LIN7C: variants seen among roughly 807,000 people sequenced by gnomAD.
LIN7C encodes the protein lin-7 cell polarity scaffold C, also known as protein lin-7 homolog C.
LIN7C carries 17 observed loss-of-function variants against 24.7 expected under a neutral mutation model. That is an observed-to-expected ratio of 0.69 (90% confidence interval 0.47 to 1.03). The LOEUF is 1.03. Among genes scored for constraint, LIN7C ranks in the 50% least tolerant of loss-of-function variants. LIN7C has a pLI of 0.00. For synonymous variants in LIN7C, 90 were observed against 83.4 expected (o/e 1.08, Z -0.43); for missense variants, 204 against 239.0 (o/e 0.85, Z 0.97).
chr11:27,506,599 G>A (rs900638171), intron 1 of LIN7C, 117 bp downstream of exon 1: 3 of 1,208,746 alleles, frequency 2.5e-6, no homozygotes, highest in African/African-American at 3.0e-5. Context: ...CTCTGGCGCC[G>A]GCACAAGGGA....
intron 1 of LIN7C, among the ~76,000 whole-genome samples, chr11:27,503,927 C>T (rs984508731): frequency 2.6e-5 from 4 of 152,112 alleles, no homozygotes; most frequent in African/African-American, 9.7e-5. Flanking sequence ...AAGTGATTCT[C>T]GTGCCTCAGT....
In LIN7C at chr11:27,494,929, A is replaced by G; in HGVS notation, c.*3720T>C. On this transcript the variant is annotated 3_prime_UTR_variant, in exon 5 of 5. Transcript: ENST00000278193. ...AACATACATTTATTCAGGAAATACA[A>G]TTACTAGAATCCTTGATATTTCAAT... 1 of 152,552 alleles carries G rather than the reference A, an allele frequency of 6.6e-6. No homozygotes were observed. Among genetic ancestry groups the G allele is most frequent in the East Asian group, 1.9e-4 (1 of 5,202 alleles). The allele number at this position is 152,552 out of a possible 1,614,324, so 9.4% of individuals were successfully genotyped here.
intron 1 of LIN7C, among the ~76,000 whole-genome samples, chr11:27,505,780 T>TA (rs1187326711): frequency 1.3e-5 from 2 of 152,262 alleles, no homozygotes; most frequent in African/African-American, 4.8e-5. Flanking sequence ...CATTTTTTTT[T>TA]ACCACCAGTA....
In LIN7C at chr11:27,498,027, A is replaced by G. The variant is rs891514735; in HGVS notation, c.*622T>C. 11 of 152,162 alleles carry G rather than the reference A, an allele frequency of 7.2e-5. No individual in the cohort carries two copies. The highest frequency in any genetic ancestry group is 7.2e-4 in the Admixed American group (11 of 15,290). 9.4% of individuals were successfully genotyped at this position (152,162 alleles called of 1,614,324 possible). On this transcript the variant is annotated 3_prime_UTR_variant, in exon 5 of 5. Transcript: ENST00000278193. ...CTTTCATAAATCAGTATAAATGAAT[A>G]TCCATTATATATTATGTTTAAGTAA...
chr11:27,501,263 A>G (rs1177556102), intron 3 of LIN7C, among the ~76,000 whole-genome samples: 1 of 152,150 alleles, frequency 6.6e-6, no homozygotes, highest in East Asian at 1.9e-4. Flanking sequence ...GTACATTTCT[A>G]TTGCATTATC....
At chr11:27,501,696 T>G in intron 2 of LIN7C, 106 bp downstream of exon 2, 1 of 915,584 alleles carries the variant, frequency 1.1e-6, no homozygotes, top group Non-Finnish European at 1.7e-6. Flanking sequence ...AGGGACTGGT[T>G]TTAATGTTTT....
intron 1 of LIN7C, 115 bp from the exon 2 acceptor site, chr11:27,502,035 G>A: frequency 3.1e-6 from 2 of 646,996 alleles, no homozygotes; most frequent in South Asian, 2.2e-5. Context: ...GACAATCGAG[G>A]GGAAAAAAAG....
intron 1 of LIN7C, among the ~76,000 whole-genome samples, chr11:27,505,175 T>C (rs185759893): frequency 4.3e-4 from 65 of 151,910 alleles, no homozygotes; most frequent in Admixed American, 5.9e-4. Context: ...TCTACTAAAA[T>C]ACAAAAAACA....
At position 27,506,718 on chromosome 11, in the gene LIN7C, C is replaced by G. The variant is rs138909113; in HGVS notation, c.35G>C (p.Arg12Thr). 4.3e-6 allele frequency: 7 copies of G among 1,613,976 alleles called. No homozygotes were observed. In the African/African-American group the frequency reaches 8.0e-5, roughly 18 times the overall value. Residue 12 changes from arginine to threonine, a missense_variant and splice_region_variant, in exon 1 of 5, where the codon AGA becomes ACA. Arg to Thr is a moderately conservative substitution (Grantham distance 71). Transcript: ENST00000278193. ...CGCCGAGCCTCGGCTGCACTCACCTCTCTCCAGCCGCACGGGTTCCCCTAG... is the reference window on the plus strand; with the variant it reads ...CGCCGAGCCTCGGCTGCACTCACCTGTCTCCAGCCGCACGGGTTCCCCTAG... ...AALGEPVRLE[R>T]DICRAIELLE...
chr11:27,498,205 A>T lies in LIN7C; in HGVS notation c.*444T>A, dbSNP rs1033041797. The T allele has an allele frequency of 1.3e-5, 2 of 154,372 alleles. No homozygotes were observed. The highest frequency in any genetic ancestry group is 4.8e-5 in the African/African-American group (2 of 41,446). The allele number at this position is 154,372 out of a possible 1,614,324, so 9.6% of individuals were successfully genotyped here. On this transcript the variant is annotated 3_prime_UTR_variant, in exon 5 of 5. Coordinates refer to ENST00000278193, the MANE Select transcript of LIN7C (RefSeq NM_018362.4). ...ACTGTTATGCTTAATTTCTTGGAAA[A>T]CTGTAAAGAAATTTCACAGGTTAAA...
At chr11:27,501,464 A>T (rs374984683) in intron 3 of LIN7C, 31 bp downstream of exon 3, 3 of 1,362,162 alleles carry the variant, frequency 2.2e-6, no homozygotes, top group African/African-American at 1.5e-5. Flanking sequence ...TTTATGAAGA[A>T]TTCTTACTTT....
At chr11:27,501,026 T>C (rs1397548413) in intron 3 of LIN7C, among the ~76,000 whole-genome samples, 2 of 152,134 alleles carry the variant, frequency 1.3e-5, no homozygotes, top group Admixed American at 1.3e-4. Flanking sequence ...GAAATGCAGA[T>C]AATGTAAAGA....
intron 1 of LIN7C, among the ~76,000 whole-genome samples, 185 bp from the exon 2 acceptor site, chr11:27,502,105 A>C (rs1427893149): frequency 1.3e-5 from 2 of 152,246 alleles, no homozygotes; most frequent in African/African-American, 4.8e-5. Context: ...ATGGAGGGTG[A>C]GAATGTAAAA....
intron 1 of LIN7C, 57 bp downstream of exon 1, chr11:27,506,659 G>A (rs1865306350): frequency 1.3e-6 from 2 of 1,595,992 alleles, no homozygotes; most frequent in Admixed American, 3.3e-5. Context: ...CCCCTCCAGC[G>A]ACACAGCACT....
At chr11:27,501,975 T>G in intron 1 of LIN7C, 55 bp from the exon 2 acceptor site, 1 of 1,066,854 alleles carries the variant, frequency 9.4e-7, no homozygotes, top group South Asian at 1.3e-5. Context: ...TCAATGCCTA[T>G]GTAACAGTGG....
Position 27,498,709 on chromosome 11 carries a change from T to C in LIN7C, c.534A>G (p.Leu178=), listed in dbSNP as rs1423790864. ...TTTCAAAGCGCGACTCCATTTCTTCTAAGACTTTGGGTGTGTATCGTACCA... is the reference window on the plus strand; with the variant it reads ...TTTCAAAGCGCGACTCCATTTCTTCCAAGACTTTGGGTGTGTATCGTACCA... ...KLVVRYTPKV[L]EEMESRFEKM... Residue 178 remains leucine (L), a synonymous_variant, in exon 5 of 5, where the codon TTA becomes TTG. Coordinates refer to ENST00000278193, the MANE Select transcript of LIN7C (RefSeq NM_018362.4). 6.2e-7 allele frequency: 1 copy of C among 1,613,968 alleles called. No individual in the cohort carries two copies.
intron 1 of LIN7C, among the ~76,000 whole-genome samples, chr11:27,504,912 A>G (rs139119832): frequency 1.4e-4 from 21 of 152,326 alleles, no homozygotes; most frequent in Middle Eastern, 3.4e-3. Flanking sequence ...GCTGACTGTA[A>G]TTCATCCTAC....
At chr11:27,500,326 T>C (rs1186061535) in intron 3 of LIN7C, among the ~76,000 whole-genome samples, 1 of 152,170 alleles carries the variant, frequency 6.6e-6, no homozygotes, top group African/African-American at 2.4e-5. Flanking sequence ...TGCCCTTATA[T>C]GTAATCATTT....
At chr11:27,501,162 T>G (rs1013320375) in intron 3 of LIN7C, among the ~76,000 whole-genome samples, 2 of 152,164 alleles carry the variant, frequency 1.3e-5, no homozygotes, top group South Asian at 4.1e-4. Flanking sequence ...CTTAAAATTC[T>G]GATTAGATTT....
Sources: allele counts gnomAD v4.1 joint callset (sites outside exome capture counted in the v4.1 genomes callset), GRCh38; gene constraint gnomAD v4.1.1; transcripts MANE v1.5; gene names NCBI Gene and HGNC (gene_info 2026-07-23, HGNC 2026-07-21).